The following ALK variants were observed in gnomAD, a reference collection of about 807,000 sequenced individuals.
ALK encodes the protein ALK receptor tyrosine kinase, also known as ALK tyrosine kinase receptor.
ALK carries 74 observed loss-of-function variants against 163.1 expected under a neutral mutation model. The observed-to-expected ratio is 0.45, with a 90% CI of 0.38 to 0.55. The LOEUF (loss-of-function observed/expected upper bound fraction) is 0.55. ALK is among the 20% of genes least tolerant of loss of function. The probability of loss-of-function intolerance (pLI) is 0.00; values close to 1 mark genes in which losing one functional copy is unlikely to be tolerated. For synonymous variants in ALK, 960 were observed against 843.2 expected (o/e 1.14, Z -2.40); for missense variants, 2,063 against 2,105.3 (o/e 0.98, Z 0.39).
chr2:29,413,258 G>A lies in ALK; in HGVS notation c.1155-29399C>T, dbSNP rs186151647. ...GAGGCTGCTGTTGGGGTAACATGGC[G>A]TATGTTTTACAGTAAACTCTTTTCT... is the stretch of plus-strand genomic sequence containing the variant. On this transcript the variant is annotated intron_variant, in intron 4 of 28. Transcript: ENST00000389048. Among the ~76,000 whole-genome samples the A allele has an allele frequency of 2.7e-3, 412 of 152,266 alleles. 1 individual carries two copies. Among genetic ancestry groups the A allele is most frequent in the Middle Eastern group, 6.8e-3 (2 of 294 alleles).
chr2:29,774,969 G>T (rs1231783717), intron 1 of ALK, among the ~76,000 whole-genome samples: 1 of 152,150 alleles, frequency 6.6e-6, no homozygotes, highest in Non-Finnish European at 1.5e-5. Flanking sequence ...ATAATTAAAA[G>T]AATAGATTTC....
At chr2:29,672,884 TG>T (rs1677749810) in intron 3 of ALK, among the ~76,000 whole-genome samples, 9 of 129,794 alleles carry the variant, frequency 6.9e-5, no homozygotes, top group Admixed American at 4.6e-4. Context: ...TGGTGTGAGA[TG>T]GTATCTCATT....
At chr2:29,886,327 T>A (rs1666984032) in intron 1 of ALK, among the ~76,000 whole-genome samples, 1 of 152,234 alleles carries the variant, frequency 6.6e-6, no homozygotes, top group South Asian at 2.1e-4. Flanking sequence ...TCTACTTGGA[T>A]TTTTGACTGT....
intron 1 of ALK, among the ~76,000 whole-genome samples, chr2:29,739,483 G>A (rs553751941): frequency 5.3e-5 from 8 of 151,358 alleles, no homozygotes; most frequent in East Asian, 3.9e-4. Context: ...GCTTGAGCCC[G>A]GGAGGCAGAG....
At chr2:29,367,488 T>C (rs1668534704) in intron 5 of ALK, among the ~76,000 whole-genome samples, 1 of 152,226 alleles carries the variant, frequency 6.6e-6, no homozygotes, top group South Asian at 2.1e-4. Context: ...TATATGACTC[T>C]TGTGAGTTTC....
chr2:29,767,593 C>A (rs1033989116), intron 1 of ALK, among the ~76,000 whole-genome samples: 1 of 152,164 alleles, frequency 6.6e-6, no homozygotes, highest in African/African-American at 2.4e-5. Context: ...AAGATACAGT[C>A]ATTAGGATGC....
At chr2:29,733,934 C>G (rs1400765515) in intron 1 of ALK, among the ~76,000 whole-genome samples, 1 of 152,102 alleles carries the variant, frequency 6.6e-6, no homozygotes, top group African/African-American at 2.4e-5. Flanking sequence ...CCTGGCAGAC[C>G]ACCACTGATC....
At chr2:29,357,043 T>C (rs1256507659) in intron 5 of ALK, among the ~76,000 whole-genome samples, 1 of 152,174 alleles carries the variant, frequency 6.6e-6, no homozygotes, top group Non-Finnish European at 1.5e-5. Flanking sequence ...CCCATCCAAC[T>C]GAGTGCGAAG....
chr2:29,806,848 G>A (rs572652144), intron 1 of ALK, among the ~76,000 whole-genome samples: 4 of 152,316 alleles, frequency 2.6e-5, no homozygotes, highest in East Asian at 3.9e-4. Context: ...TGCAGAAGAC[G>A]GTCTTAGGTT....
intron 5 of ALK, among the ~76,000 whole-genome samples, chr2:29,363,915 G>A (rs1319935222): frequency 2.0e-5 from 3 of 152,148 alleles, no homozygotes; most frequent in Admixed American, 6.5e-5. Context: ...GGCATGAGGT[G>A]GCATCCCCTT....
At chr2:29,406,824 G>C (rs1269803955) in intron 4 of ALK, among the ~76,000 whole-genome samples, 2 of 151,606 alleles carry the variant, frequency 1.3e-5, no homozygotes, top group Non-Finnish European at 2.9e-5. Context: ...GCTTGAACCC[G>C]GGAGGTGGAG....
intron 16 of ALK, among the ~76,000 whole-genome samples, 173 bp downstream of exon 16, chr2:29,228,709 GAA>G (rs1349805625): frequency 6.1e-5 from 9 of 146,944 alleles, no homozygotes; most frequent in East Asian, 2.2e-4. Flanking sequence ...GTGCTGGCTC[GAA>G]AGCCAGCACC....
chr2:29,801,552 A>G lies in ALK; in HGVS notation c.668-83855T>C, dbSNP rs200142015. ...GCACGACTTTCAGCCTTCAAGGATCAGGGATGCCACACAACCACTTTAGTA... is the reference window on the plus strand; with the variant it reads ...GCACGACTTTCAGCCTTCAAGGATCGGGGATGCCACACAACCACTTTAGTA... On this transcript the variant is annotated intron_variant, in intron 1 of 28. Transcript: ENST00000389048. Among the ~76,000 whole-genome samples the G allele has an allele frequency of 1.8e-4, 27 of 152,360 alleles. No individual in the cohort carries two copies. In the East Asian group the frequency reaches 4.6e-3, roughly 26 times the overall value.
intron 9 of ALK, 143 bp downstream of exon 9, chr2:29,296,745 G>C: frequency 3.5e-6 from 3 of 864,576 alleles, no homozygotes; most frequent in Non-Finnish European, 5.6e-6. Flanking sequence ...GTGTGTGCAC[G>C]TGCGTGCACG....
intron 4 of ALK, among the ~76,000 whole-genome samples, chr2:29,426,808 G>A (rs1001272446): frequency 2.0e-5 from 3 of 151,998 alleles, no homozygotes; most frequent in Non-Finnish European, 4.4e-5. Context: ...GGGAGGCCGA[G>A]GTGGGTAGAT....
At chr2:29,479,611 G>A (rs1056588364) in intron 4 of ALK, among the ~76,000 whole-genome samples, 1 of 152,192 alleles carries the variant, frequency 6.6e-6, no homozygotes, top group African/African-American at 2.4e-5. Context: ...TAGCAATAAA[G>A]TGTTTGCATT....
intron 4 of ALK, among the ~76,000 whole-genome samples, chr2:29,396,793 T>C (rs935983112): frequency 6.6e-6 from 1 of 150,928 alleles, no homozygotes; most frequent in Middle Eastern, 3.5e-3. Context: ...CTCCACATTT[T>C]GCTCATGATG....
chr2:29,647,323 G>A (rs1676906570), intron 3 of ALK, among the ~76,000 whole-genome samples: 1 of 152,126 alleles, frequency 6.6e-6, no homozygotes, highest in South Asian at 2.1e-4. Context: ...TCAGTTAGGA[G>A]CTCTGCATCT....
At chr2:29,551,152 T>C (rs2148175128) in intron 3 of ALK, among the ~76,000 whole-genome samples, 2 of 152,310 alleles carry the variant, frequency 1.3e-5, no homozygotes, top group South Asian at 2.1e-4. Context: ...ATTTCCTTTC[T>C]AGGAATTGCT....
Sources: allele counts gnomAD v4.1 joint callset (sites outside exome capture counted in the v4.1 genomes callset), GRCh38; gene constraint gnomAD v4.1.1; transcripts MANE v1.5; gene names NCBI Gene and HGNC (gene_info 2026-07-23, HGNC 2026-07-21).